TMTC1: variants seen among roughly 807,000 people sequenced by gnomAD.
TMTC1 encodes protein O-mannosyl-transferase TMTC1.
Under a neutral mutation model 104.8 loss-of-function variants are expected in TMTC1, and 73 were observed. The ratio of observed to expected loss-of-function variants is 0.70; its 90% CI spans 0.58 to 0.85. The LOEUF is 0.85. TMTC1 is among the 40% of genes least tolerant of loss of function. The pLI is 0.00. For synonymous variants in TMTC1, 434 were observed against 428.7 expected, an observed-to-expected ratio of 1.01 and a Z score of -0.15; for missense variants, 1,035 against 1,096.1, an observed-to-expected ratio of 0.94 and a Z score of 0.79.
At chr12:29,650,367 G>C (rs10843464) in intron 5 of TMTC1, among the ~76,000 whole-genome samples, 1 of 151,872 alleles carries the variant, frequency 6.6e-6, no homozygotes. Flanking sequence ...TTACAGGTGT[G>C]AGCCACCTTG....
chr12:29,767,582 C>T (rs925638691), intron 2 of TMTC1, among the ~76,000 whole-genome samples: 62 of 152,214 alleles, frequency 4.1e-4, no homozygotes, highest in African/African-American at 1.4e-3. Context: ...TTCATTACTA[C>T]CCGTAATAAT....
intron 5 of TMTC1, among the ~76,000 whole-genome samples, chr12:29,702,096 G>A (rs1379138210): frequency 6.6e-6 from 1 of 152,114 alleles, no homozygotes; most frequent in Non-Finnish European, 1.5e-5. Context: ...GGAGATAGAT[G>A]TGCCAAGAAT....
At chr12:29,721,440 A>T (rs2136882025) in intron 5 of TMTC1, among the ~76,000 whole-genome samples, 1 of 152,326 alleles carries the variant, frequency 6.6e-6, no homozygotes, top group South Asian at 2.1e-4. Flanking sequence ...GCTATTTTAC[A>T]CACAATAAAC....
chr12:29,519,573 G>A (rs1414000161), intron 12 of TMTC1: 1 of 152,128 alleles, frequency 6.6e-6, no homozygotes. Context: ...TTGAATACAA[G>A]TTTGACTAGG....
intron 5 of TMTC1, among the ~76,000 whole-genome samples, chr12:29,694,246 T>C (rs1423421074): frequency 6.6e-6 from 1 of 152,168 alleles, no homozygotes; most frequent in Non-Finnish European, 1.5e-5. Context: ...CTCAATGATT[T>C]GCATCATTAA....
intron 5 of TMTC1, among the ~76,000 whole-genome samples, chr12:29,729,580 A>G (rs1942492300): frequency 6.6e-6 from 1 of 152,198 alleles, no homozygotes; most frequent in Non-Finnish European, 1.5e-5. Flanking sequence ...GGTTCCCATC[A>G]CAATGACTTC....
At chr12:29,601,459 C>T (rs1946562789) in intron 7 of TMTC1, among the ~76,000 whole-genome samples, 1 of 152,208 alleles carries the variant, frequency 6.6e-6, no homozygotes. Flanking sequence ...CCCAGAACCC[C>T]CAGCTCCTGA....
intron 9 of TMTC1, among the ~76,000 whole-genome samples, chr12:29,566,311 C>G (rs183335977): frequency 6.6e-6 from 1 of 152,086 alleles, no homozygotes; most frequent in South Asian, 2.1e-4. Context: ...GCCAAGTAAG[C>G]AAGAAGAATA....
intron 5 of TMTC1, among the ~76,000 whole-genome samples, chr12:29,750,290 T>C (rs1943058805): frequency 6.6e-6 from 1 of 152,160 alleles, no homozygotes; most frequent in Non-Finnish European, 1.5e-5. Context: ...TCAGGAGGAT[T>C]TGGAAGCCTT....
At chr12:29,628,261 A>G (rs1380491196) in intron 6 of TMTC1, among the ~76,000 whole-genome samples, 1 of 152,176 alleles carries the variant, frequency 6.6e-6, no homozygotes, top group African/African-American at 2.4e-5. Context: ...CTGCCCCTAC[A>G]TTACATACAA....
intron 16 of TMTC1, among the ~76,000 whole-genome samples, chr12:29,513,436 A>G (rs1430096060): frequency 6.6e-6 from 1 of 152,196 alleles, no homozygotes; most frequent in African/African-American, 2.4e-5. Context: ...TTGAAAAGGC[A>G]GAGAAAATCC....
intron 10 of TMTC1, among the ~76,000 whole-genome samples, chr12:29,548,841 TC>T (rs1945014512): frequency 1.9e-4 from 1 of 5,200 alleles, no homozygotes; most frequent in Non-Finnish European, 4.0e-4. Context: ...ATATCACTTA[TC>T]TAAAATATAT....
intron 5 of TMTC1, among the ~76,000 whole-genome samples, chr12:29,664,105 T>G (rs1430827274): frequency 1.3e-5 from 2 of 149,416 alleles, no homozygotes; most frequent in African/African-American, 2.4e-5. Flanking sequence ...GAGAATGGCG[T>G]GAACCCGGGA....
intron 5 of TMTC1, among the ~76,000 whole-genome samples, chr12:29,641,671 C>T (rs754025021): frequency 3.3e-5 from 5 of 152,044 alleles, no homozygotes; most frequent in Non-Finnish European, 7.4e-5. Context: ...GATAATATGA[C>T]AAAACAAGGC....
At chr12:29,548,092 G>A (rs984432307) in intron 10 of TMTC1, among the ~76,000 whole-genome samples, 3 of 152,186 alleles carry the variant, frequency 2.0e-5, no homozygotes, top group Non-Finnish European at 4.4e-5. Context: ...CAACTGGAGG[G>A]AGCGCCTCAA....
At chr12:29,751,321 A>G (rs1389459016) in intron 5 of TMTC1, among the ~76,000 whole-genome samples, 1 of 152,080 alleles carries the variant, frequency 6.6e-6, no homozygotes, top group Non-Finnish European at 1.5e-5. Flanking sequence ...AAACACAAAG[A>G]GCAGAGAGAG....
At chr12:29,507,992 A>G (rs757745056) in intron 17 of TMTC1, among the ~76,000 whole-genome samples, 35 of 152,216 alleles carry the variant, frequency 2.3e-4, no homozygotes, top group Non-Finnish European at 4.4e-4. Flanking sequence ...GCAACAAACA[A>G]CTAATACTTA....
intron 5 of TMTC1, among the ~76,000 whole-genome samples, chr12:29,690,418 T>A (rs905348181): frequency 1.3e-5 from 2 of 152,340 alleles, no homozygotes; most frequent in South Asian, 4.1e-4. Context: ...TTTAGCACCT[T>A]ATATATGAAG....
At chr12:29,687,523 G>T (rs1332672092) in intron 5 of TMTC1, among the ~76,000 whole-genome samples, 2 of 152,016 alleles carry the variant, frequency 1.3e-5, no homozygotes, top group African/African-American at 4.8e-5. Context: ...GATGTCTTTT[G>T]CTATAAAGGA....
Sources: allele counts gnomAD v4.1 joint callset (sites outside exome capture counted in the v4.1 genomes callset), GRCh38; gene constraint gnomAD v4.1.1; transcripts MANE v1.5; gene names NCBI Gene and HGNC (gene_info 2026-07-23, HGNC 2026-07-21).